The following MTHFD2L variants were observed in gnomAD, a reference collection of about 807,000 sequenced individuals.
MTHFD2L encodes the protein methylenetetrahydrofolate dehydrogenase (NADP+ dependent) 2 like, also known as bifunctional methylenetetrahydrofolate dehydrogenase/cyclohydrolase 2, mitochondrial.
In MTHFD2L, 29 loss-of-function variants were observed where a neutral mutation model predicts 34.9. The observed-to-expected ratio is 0.83, with a 90% CI of 0.62 to 1.13. MTHFD2L has a LOEUF of 1.13. Among genes scored for constraint, MTHFD2L ranks in the 50% most tolerant of loss-of-function variants. The pLI is 0.00. For synonymous variants in MTHFD2L, 167 were observed against 155.7 expected (o/e 1.07, Z -0.54); for missense variants, 481 against 446.5 (o/e 1.08, Z -0.70).
At chr4:74,206,491 A>G (rs929045468) in intron 5 of MTHFD2L, among the ~76,000 whole-genome samples, 1 of 152,184 alleles carries the variant, frequency 6.6e-6, no homozygotes, top group African/African-American at 2.4e-5. Context: ...TTAGATAGAT[A>G]TGAGGGGAGT....
chr4:74,138,257 T>C (rs529601751), intron 1 of MTHFD2L, among the ~76,000 whole-genome samples: 1 of 152,296 alleles, frequency 6.6e-6, no homozygotes, highest in South Asian at 2.1e-4. Context: ...TGTCTTTGCA[T>C]TGAAGTATCA....
intron 6 of MTHFD2L, among the ~76,000 whole-genome samples, chr4:74,252,552 A>T (rs530840165): frequency 6.6e-6 from 1 of 152,352 alleles, no homozygotes; most frequent in East Asian, 1.9e-4. Context: ...ATATGGGGTT[A>T]TATAAAATTG....
At chr4:74,221,107 C>T (rs1195035354) in intron 5 of MTHFD2L, among the ~76,000 whole-genome samples, 2 of 150,908 alleles carry the variant, frequency 1.3e-5, no homozygotes, top group East Asian at 2.0e-4. Flanking sequence ...AGAAGGGTCT[C>T]CTTATGAAGG....
At chr4:74,233,915 T>C (rs1027396093) in intron 6 of MTHFD2L, among the ~76,000 whole-genome samples, 2 of 151,996 alleles carry the variant, frequency 1.3e-5, no homozygotes, top group Non-Finnish European at 2.9e-5. Context: ...TTTTTTTTCT[T>C]TTGAGGCTCT....
In MTHFD2L at chr4:74,225,318, A is replaced by T. The variant is rs766299859; in HGVS notation, c.729A>T (p.Thr243=). Reference sequence around the variant, plus strand: ...GTATTCCAGGTGATGCAACTGTGACAATAGCTCACAGATACACCCCCAAAG... The same window carrying T: ...GTATTCCAGGTGATGCAACTGTGACTATAGCTCACAGATACACCCCCAAAG... The part of the protein sequence containing the change: ...HERPGGDATV[T]IAHRYTPKEQ... Residue 243 remains threonine (T), a synonymous_variant, in exon 6 of 8, where the codon ACA becomes ACT. Coordinates refer to ENST00000325278, the MANE Select transcript of MTHFD2L (RefSeq NM_001144978.3). 1.3e-5 allele frequency: 21 copies of T among 1,612,466 alleles called. No individual in the cohort carries two copies. Among genetic ancestry groups the T allele is most frequent in the Non-Finnish European group, 1.7e-5 (20 of 1,178,900 alleles).
intron 6 of MTHFD2L, among the ~76,000 whole-genome samples, chr4:74,263,418 G>A (rs183158849): frequency 8.0e-4 from 122 of 152,114 alleles, no homozygotes; most frequent in African/African-American, 2.5e-3. Flanking sequence ...GCTTTGGGCA[G>A]TATGGCCATT....
chr4:74,204,489 T>A (rs1421077482), intron 5 of MTHFD2L, among the ~76,000 whole-genome samples: 1 of 152,168 alleles, frequency 6.6e-6, no homozygotes, highest in Non-Finnish European at 1.5e-5. Flanking sequence ...TTTCTTCTGG[T>A]GGATTTTGTT....
chr4:74,275,173 A>G lies in MTHFD2L; in HGVS notation c.806-6252A>G, dbSNP rs191628434. Among the ~76,000 whole-genome samples the G allele has an allele frequency of 3.4e-3, 520 of 152,000 alleles. 4 individuals are homozygous for G. Among genetic ancestry groups the G allele is most frequent in the African/African-American group, 0.012 (497 of 41,456 alleles). On this transcript the variant is annotated intron_variant, in intron 6 of 7. Coordinates refer to ENST00000325278, the MANE Select transcript of MTHFD2L (RefSeq NM_001144978.3). ...CATGTGTTCTCATTGTTCAACTCCC[A>G]CTTATGAATGAGAACATGCGGTGTT... is the stretch of plus-strand genomic sequence containing the variant.
chr4:74,164,981 A>G, intron 1 of MTHFD2L: 1 of 985,424 alleles, frequency 1.0e-6, no homozygotes, highest in Non-Finnish European at 1.2e-6. Context: ...CATCATGTAA[A>G]CAATATCTAA....
intron 3 of MTHFD2L, among the ~76,000 whole-genome samples, chr4:74,179,944 G>A (rs146249521): frequency 1.2e-3 from 187 of 152,090 alleles, no homozygotes; most frequent in East Asian, 8.3e-3. Context: ...CTTCAAAGTC[G>A]CCTTGCTGTT....
intron 1 of MTHFD2L, 124 bp downstream of exon 1, chr4:74,158,405 G>T: frequency 1.4e-6 from 1 of 732,108 alleles, no homozygotes; most frequent in African/African-American, 1.9e-5. Context: ...GGGCTGGGTC[G>T]AGGACAGCCT....
chr4:74,139,472 T>C (rs746900847), intron 1 of MTHFD2L, among the ~76,000 whole-genome samples: 1 of 152,144 alleles, frequency 6.6e-6, no homozygotes, highest in Non-Finnish European at 1.5e-5. Flanking sequence ...TTGTGATGCT[T>C]CCTGTAGGTT....
Position 74,197,572 on chromosome 4 carries a change from AT to A in MTHFD2L, c.452-2219del, listed in dbSNP as rs555415834. Among the ~76,000 whole-genome samples, 30 of 152,244 alleles carry A rather than the reference AT, an allele frequency of 2.0e-4. No homozygotes were observed. In the East Asian group the frequency reaches 5.8e-3, roughly 29 times the overall value. On this transcript the variant is annotated intron_variant, in intron 3 of 7. Coordinates refer to ENST00000325278, the MANE Select transcript of MTHFD2L (RefSeq NM_001144978.3). The stretch of plus-strand genomic sequence containing the variant: ...CTCTGTGATTTTAATTTTTAATGGT[AT>A]TTAAAATGATTAATATTTATTATGA...
intron 5 of MTHFD2L, among the ~76,000 whole-genome samples, chr4:74,216,247 C>T (rs1311682483): frequency 6.6e-6 from 1 of 151,808 alleles, no homozygotes; most frequent in Non-Finnish European, 1.5e-5. Flanking sequence ...TTCTCATTCT[C>T]TGTTTCTGGG....
chr4:74,273,924 T>C (rs1746303150), intron 6 of MTHFD2L, among the ~76,000 whole-genome samples: 1 of 152,170 alleles, frequency 6.6e-6, no homozygotes, highest in Admixed American at 6.5e-5. Flanking sequence ...TCATAAGATT[T>C]TGGTAAGTGA....
chr4:74,168,042 T>C (rs1167326237), intron 1 of MTHFD2L, among the ~76,000 whole-genome samples: 2 of 152,200 alleles, frequency 1.3e-5, no homozygotes, highest in African/African-American at 2.4e-5. Flanking sequence ...TTGTTTGTTA[T>C]ACTACACTAG....
chr4:74,201,874 T>A (rs1392170810), intron 5 of MTHFD2L, among the ~76,000 whole-genome samples: 1 of 152,186 alleles, frequency 6.6e-6, no homozygotes, highest in Non-Finnish European at 1.5e-5. Flanking sequence ...CAGGAAGATG[T>A]GTTAGCCTTA....
intron 6 of MTHFD2L, among the ~76,000 whole-genome samples, chr4:74,264,579 T>C (rs1210903120): frequency 6.6e-6 from 1 of 151,902 alleles, no homozygotes; most frequent in African/African-American, 2.4e-5. Context: ...ATATATCCAC[T>C]TAGTAAGAGA....
intron 6 of MTHFD2L, among the ~76,000 whole-genome samples, chr4:74,257,230 G>A (rs1744139428): frequency 6.6e-6 from 1 of 152,004 alleles, no homozygotes; most frequent in Non-Finnish European, 1.5e-5. Context: ...ATTGTAAATG[G>A]GATTGCATTC....
Sources: gnomAD v4.1 joint callset for allele counts (sites outside exome capture counted in the v4.1 genomes callset) on GRCh38, gnomAD v4.1.1 for gene constraint, MANE v1.5 for transcripts, NCBI Gene and HGNC (gene_info 2026-07-23, HGNC 2026-07-21) for gene names.